NFXL1: variants seen among roughly 807,000 people sequenced by gnomAD.
The protein encoded by NFXL1 is NF-X1-type zinc finger protein NFXL1.
Under a neutral mutation model 123.3 loss-of-function variants are expected in NFXL1, and 66 were observed. The observed-to-expected ratio is 0.54, with a 90% CI of 0.44 to 0.66. The LOEUF (loss-of-function observed/expected upper bound fraction) is 0.66. Among genes scored for constraint, NFXL1 ranks in the 30% least tolerant of loss-of-function variants. The pLI, the probability that NFXL1 is intolerant of heterozygous loss-of-function variation, is 0.00. For synonymous variants in NFXL1, 346 were observed against 360.8 expected (o/e 0.96, Z 0.46); for missense variants, 944 against 1,125.6 (o/e 0.84, Z 2.31).
At position 47,851,858 on chromosome 4, in the gene NFXL1, C is replaced by T; in HGVS notation, c.2506G>A (p.Glu836Lys). ...AATGATATTTAACGAGACATTACCT[C>T]AGATGCTTTCCGCTTCATTTCCTTG... ...TCKEMKRKASEIKEAEAKAAL... is the reference protein window; with the variant it reads ...TCKEMKRKASKIKEAEAKAAL... Residue 836 changes from glutamate (E) to lysine (K), a missense_variant and splice_region_variant, in exon 21 of 23, where the codon GAG becomes AAG. Physicochemically the swap from Glu to Lys is moderately conservative, Grantham distance 56. Around this residue, in one of 4 missense-constraint regions of NFXL1, gnomAD observed 301 missense variants for 348.0 expected, o/e 0.86. Coordinates refer to ENST00000507489, the MANE Select transcript of NFXL1 (RefSeq NM_001278624.2). 1 of 1,588,684 alleles carries T rather than the reference C, an allele frequency of 6.3e-7. No homozygotes were observed. The highest frequency in any genetic ancestry group is 1.3e-5 in the African/African-American group (1 of 74,460).
chr4:47,900,147 G>A (rs1052691446), intron 5 of NFXL1, among the ~76,000 whole-genome samples: 2 of 151,962 alleles, frequency 1.3e-5, no homozygotes, highest in African/African-American at 4.8e-5. Flanking sequence ...AATTAAGGGG[G>A]AATAAACTTG....
Position 47,876,109 on chromosome 4 carries a change from T to G in NFXL1, c.2080-816A>C, listed in dbSNP as rs191194062. On this transcript the variant is annotated intron_variant, in intron 17 of 22. Transcript: ENST00000507489. Reference sequence around the variant, plus strand: ...CAGTTATTATAAAATTCTAAGCTATTTTTTGACATATAGGATTAAAAAGAA... The same window carrying G: ...CAGTTATTATAAAATTCTAAGCTATGTTTTGACATATAGGATTAAAAAGAA... Among the ~76,000 whole-genome samples, 5 of 152,212 alleles carry G rather than the reference T, an allele frequency of 3.3e-5. No homozygotes were observed. In the East Asian group the frequency reaches 7.7e-4, roughly 23 times the overall value.
chr4:47,902,568 C>T (rs1737396346), intron 5 of NFXL1, among the ~76,000 whole-genome samples: 3 of 152,106 alleles, frequency 2.0e-5, no homozygotes, highest in Admixed American at 2.0e-4. Context: ...AATGCATACT[C>T]ATAGAATTCT....
intron 14 of NFXL1, among the ~76,000 whole-genome samples, 195 bp from the exon 15 acceptor site, chr4:47,884,632 G>A (rs1736317020): frequency 6.6e-6 from 1 of 152,082 alleles, no homozygotes; most frequent in Non-Finnish European, 1.5e-5. Context: ...ACAGACATTT[G>A]ATATTAATAA....
intron 19 of NFXL1, among the ~76,000 whole-genome samples, chr4:47,860,014 G>A (rs1241578014): frequency 6.6e-6 from 1 of 151,994 alleles, no homozygotes; most frequent in Admixed American, 6.6e-5. Flanking sequence ...GTTAGTCAAA[G>A]TATACAAAAT....
intron 11 of NFXL1, among the ~76,000 whole-genome samples, 165 bp from the exon 12 acceptor site, chr4:47,890,868 A>T (rs1022201402): frequency 4.6e-5 from 7 of 152,210 alleles, no homozygotes; most frequent in African/African-American, 1.7e-4. Context: ...TACTTCACTA[A>T]GAACTTATGA....
intron 8 of NFXL1, 41 bp from the exon 9 acceptor site, chr4:47,898,122 G>T: frequency 7.7e-7 from 1 of 1,306,270 alleles, no homozygotes; most frequent in Non-Finnish European, 1.1e-6. Context: ...GGATTTAAAA[G>T]TTAACAAAAA....
At chr4:47,881,526 G>A (rs547512269) in intron 15 of NFXL1, among the ~76,000 whole-genome samples, 1 of 152,184 alleles carries the variant, frequency 6.6e-6, no homozygotes, top group East Asian at 1.9e-4. Context: ...ACACTCCTAA[G>A]TATTTACCCA....
chr4:47,866,088 G>A (rs576119029), intron 18 of NFXL1, among the ~76,000 whole-genome samples: 12 of 152,038 alleles, frequency 7.9e-5, no homozygotes, highest in East Asian at 3.9e-4. Context: ...GCAACACTCC[G>A]GGAAGAAGGT....
intron 14 of NFXL1, 136 bp downstream of exon 14, chr4:47,885,362 T>C: frequency 1.5e-6 from 1 of 662,076 alleles, no homozygotes. Context: ...AATCAAGTCT[T>C]GATTACCTTG....
chr4:47,898,725 A>T, intron 8 of NFXL1, 32 bp downstream of exon 8: 196 of 1,005,796 alleles, frequency 1.9e-4, no homozygotes, highest in Middle Eastern at 6.2e-4. Flanking sequence ...GTACTCTTTA[A>T]TACCCACCCC....
In NFXL1 at chr4:47,904,404, G is replaced by A. The variant is rs375352557; in HGVS notation, c.516+833C>T. ...AACAAAATTGAGAGGCGGAAAAAAC[G>A]CACACACACAGCAAATGTTTAAAGT... On this transcript the variant is annotated intron_variant, in intron 4 of 22. Transcript: ENST00000507489. 5.9e-5 allele frequency among the ~76,000 whole-genome samples: 9 copies of A among 152,216 alleles called. No homozygotes were observed. In the East Asian group the frequency reaches 1.5e-3, roughly 26 times the overall value.
chr4:47,852,341 G>C (rs918428469), intron 20 of NFXL1: 15 of 171,614 alleles, frequency 8.7e-5, no homozygotes, highest in East Asian at 1.7e-4. Context: ...TTGTAAATCT[G>C]CATTAGTCCA....
At chr4:47,898,483 GAGA>G (rs1737219783) in intron 8 of NFXL1, among the ~76,000 whole-genome samples, 1 of 152,104 alleles carries the variant, frequency 6.6e-6, no homozygotes, top group Non-Finnish European at 1.5e-5. Flanking sequence ...AGAGGGGAAA[GAGA>G]AGAAGGGGAC....
At chr4:47,855,477 G>A (rs1323267209) in intron 19 of NFXL1, among the ~76,000 whole-genome samples, 1 of 151,888 alleles carries the variant, frequency 6.6e-6, no homozygotes, top group Non-Finnish European at 1.5e-5. Flanking sequence ...ATGTAAGCAA[G>A]TACAGGTGAT....
At chr4:47,859,941 T>C (rs1054228930) in intron 19 of NFXL1, among the ~76,000 whole-genome samples, 1 of 141,806 alleles carries the variant, frequency 7.1e-6, no homozygotes, top group East Asian at 2.1e-4. Flanking sequence ...ACTGAACTCG[T>C]AGAAGTGAAA....
chr4:47,886,047 G>A (rs759505933), intron 12 of NFXL1, 48 bp from the exon 13 acceptor site: 16 of 1,567,808 alleles, frequency 1.0e-5, no homozygotes, highest in Admixed American at 5.3e-5. Context: ...CTACCCAAAT[G>A]CCTATTAATG....
At chr4:47,897,014 A>G (rs2110096914) in intron 9 of NFXL1, among the ~76,000 whole-genome samples, 1 of 152,336 alleles carries the variant, frequency 6.6e-6, no homozygotes, top group Middle Eastern at 3.4e-3. Flanking sequence ...AGACAAAAAG[A>G]AAGGTTTAGT....
intron 12 of NFXL1, among the ~76,000 whole-genome samples, chr4:47,888,167 G>A (rs900100856): frequency 1.1e-4 from 16 of 152,222 alleles, no homozygotes; most frequent in East Asian, 1.9e-4. Context: ...CCAGCTGCTC[G>A]GGAGGCTGAG....
Sources: allele counts gnomAD v4.1 joint callset (sites outside exome capture counted in the v4.1 genomes callset), GRCh38; gene constraint gnomAD v4.1.1; regional missense constraint gnomAD v4.1.1; transcripts MANE v1.5; gene names NCBI Gene and HGNC (gene_info 2026-07-23, HGNC 2026-07-21).